ZNF613: variants seen among roughly 807,000 people sequenced by gnomAD.
The protein encoded by ZNF613 is zinc finger protein 613.
In ZNF613, 8 loss-of-function variants were observed where a neutral mutation model predicts 14.3. The ratio of observed to expected loss-of-function variants is 0.56; its 90% CI spans 0.33 to 1.01. The LOEUF (loss-of-function observed/expected upper bound fraction) is 1.01. Ranked by LOEUF, ZNF613 falls within the 50% of genes least tolerant of loss-of-function variation. The probability of loss-of-function intolerance (pLI) is 0.03; values close to 1 mark genes in which losing one functional copy is unlikely to be tolerated. For synonymous variants in ZNF613, 228 were observed against 254.5 expected (o/e 0.90, Z 0.99); for missense variants, 656 against 741.9 (o/e 0.88, Z 1.35).
chr19:51,935,847 A>G (rs747723681), intron 2 of ZNF613, among the ~76,000 whole-genome samples, 181 bp from the exon 3 acceptor site: 2 of 152,130 alleles, frequency 1.3e-5, no homozygotes, highest in Non-Finnish European at 2.9e-5. Flanking sequence ...TATTGGCCAT[A>G]CCTGTAGAAT....
In ZNF613 at chr19:51,936,229, G is replaced by C. The variant is rs1419298305; in HGVS notation, c.9G>C (p.Lys3Asn). The change falls in exon 3 of 6, where the codon AAG becomes AAC. Residue 3 changes from lysine to asparagine, a missense_variant. Physicochemically the swap from Lys to Asn is moderately conservative, Grantham distance 94. Transcript: ENST00000293471. MI[K>N]SQESLTLEDV... Reference sequence around the variant, plus strand: ...CCCAGTAACAAAAGAAAATGATCAAGTCCCAGGTGACTTTTTGTTTGTTTT... The same window carrying C: ...CCCAGTAACAAAAGAAAATGATCAACTCCCAGGTGACTTTTTGTTTGTTTT... The C allele has an allele frequency of 6.2e-7, 1 of 1,602,408 alleles. No homozygotes were observed. The highest frequency in any genetic ancestry group is 1.1e-5 in the South Asian group (1 of 88,644).
intron 2 of ZNF613, among the ~76,000 whole-genome samples, chr19:51,935,377 G>C (rs867839379): frequency 6.6e-6 from 1 of 152,334 alleles, no homozygotes. Flanking sequence ...ATGATGGTAT[G>C]CAGTCCAAAG....
At chr19:51,935,886 G>A (rs2085302052) in intron 2 of ZNF613, 142 bp from the exon 3 acceptor site, 2 of 277,602 alleles carry the variant, frequency 7.2e-6, no homozygotes, top group African/African-American at 2.2e-5. Context: ...AGGATTTGTT[G>A]TTGCCCCAGG....
chr19:51,939,832 A>T (rs576107192), intron 3 of ZNF613, among the ~76,000 whole-genome samples: 1 of 152,192 alleles, frequency 6.6e-6, no homozygotes, highest in East Asian at 1.9e-4. Flanking sequence ...TTCATTGAAG[A>T]TTCATGATGA....
Position 51,945,689 on chromosome 19 carries a change from T to C in ZNF613, c.1806T>C (p.Pro602=), listed in dbSNP as rs773762791. The part of the protein sequence containing the change: ...AESKVAIVSQ[P]VARSSVSADS... Reference sequence around the variant, plus strand: ...GCAAAGTAGCCATTGTGAGCCAGCCTGTTGCCAGAAGTTCAGTCTCAGCAG... The same window carrying C: ...GCAAAGTAGCCATTGTGAGCCAGCCCGTTGCCAGAAGTTCAGTCTCAGCAG... Residue 602 remains proline (P), a synonymous_variant, in exon 6 of 6, where the codon CCT becomes CCC. Transcript: ENST00000293471. The C allele has an allele frequency of 6.8e-5, 109 of 1,614,184 alleles. No individual in the cohort carries two copies. The highest frequency in any genetic ancestry group is 4.7e-4 in the South Asian group (43 of 91,078).
rs1368086044 is a variant in ZNF613 at position 51,945,611 on chromosome 19, G to C, written c.1728G>C (p.Met576Ile). Reference protein sequence around the residue: ...KDSVNMVTLQMPSVAAQTSLT... With the variant: ...KDSVNMVTLQIPSVAAQTSLT... Reference sequence around the variant, plus strand: ...CTGTTAACATGGTGACTCTGCAGATGCCTTCTGTGGCAGCTCAGACCTCAT... The same window carrying C: ...CTGTTAACATGGTGACTCTGCAGATCCCTTCTGTGGCAGCTCAGACCTCAT... Residue 576 changes from methionine (M) to isoleucine (I), a missense_variant, in exon 6 of 6, where the codon ATG becomes ATC. Physicochemically the swap from Met to Ile is conservative, Grantham distance 10. Transcript: ENST00000293471. 3.1e-6 allele frequency: 5 copies of C among 1,614,188 alleles called. No homozygotes were observed. The East Asian group carries it at 1.1e-4, about 36-fold the overall frequency.
intron 3 of ZNF613, 89 bp from the exon 4 acceptor site, chr19:51,940,120 T>C (rs1420857119): frequency 1.3e-6 from 2 of 1,529,768 alleles, no homozygotes; most frequent in East Asian, 2.4e-5. Context: ...GCAGACTATT[T>C]GGTAAAAATG....
Position 51,944,616 on chromosome 19 carries a change from T to C in ZNF613, c.733T>C (p.Ser245Pro). The C allele has an allele frequency of 6.2e-7, 1 of 1,614,132 alleles. No homozygotes were observed. The highest frequency in any genetic ancestry group is 8.5e-7 in the Non-Finnish European group (1 of 1,180,032). ...ATGTGGGAAAGCCTTCTCCAGAAAG[T>C]CCGGGCTCACTGAACACCAGAGAAA... ...SICGKAFSRK[S>P]GLTEHQRNHT... Residue 245 changes from serine (S) to proline (P), a missense_variant, in exon 6 of 6, where the codon TCC becomes CCC. Physicochemically the swap from Ser to Pro is moderately conservative, Grantham distance 74. Transcript: ENST00000293471.
rs772471604 is a variant in ZNF613, at chr19:51,944,770, G to C, written c.887G>C (p.Gly296Ala). The C allele has an allele frequency of 3.1e-6, 5 of 1,612,838 alleles. No homozygotes were observed. The highest frequency in any genetic ancestry group is 1.3e-5 in the African/African-American group (1 of 74,512). ...TATATATGCAGTGATTGTGGAAAAG[G>C]CTTCATCAAGAAGTCTCGGCTCATT... ...KSYICSDCGK[G>A]FIKKSRLINH... is the part of the protein sequence containing the mutation. The change falls in exon 6 of 6, where the codon GGC (glycine) becomes GCC (alanine). Residue 296 changes from glycine to alanine, a missense_variant. Coordinates refer to ENST00000293471, the MANE Select transcript of ZNF613 (RefSeq NM_001031721.4).
At chr19:51,939,808 A>G (rs1021874361) in intron 3 of ZNF613, among the ~76,000 whole-genome samples, 1 of 152,096 alleles carries the variant, frequency 6.6e-6, no homozygotes, top group Non-Finnish European at 1.5e-5. Context: ...TGATTCTGGT[A>G]GCGCACATGA....
At chr19:51,942,185 T>C (rs1488722932) in intron 5 of ZNF613, among the ~76,000 whole-genome samples, 3 of 152,228 alleles carry the variant, frequency 2.0e-5, no homozygotes, top group Admixed American at 1.3e-4. Flanking sequence ...AAGCACTACA[T>C]TTGAAGTAGT....
chr19:51,936,357 AT>A, intron 3 of ZNF613, 122 bp downstream of exon 3: 1 of 1,008,176 alleles, frequency 9.9e-7, no homozygotes, highest in Non-Finnish European at 1.4e-6. Flanking sequence ...GCATCAGTAA[AT>A]TTAGATTGTA....
chr19:51,939,558 G>A (rs933329540), intron 3 of ZNF613, among the ~76,000 whole-genome samples: 1 of 152,008 alleles, frequency 6.6e-6, no homozygotes, highest in Non-Finnish European at 1.5e-5. Context: ...TCAAACTCCT[G>A]ACCTCAGGTG....
intron 3 of ZNF613, among the ~76,000 whole-genome samples, chr19:51,937,725 CTTTTTTTTTTTT>C (rs557250619): frequency 9.5e-6 from 1 of 105,282 alleles, no homozygotes; most frequent in Non-Finnish European, 1.9e-5. Context: ...TGTCTTTTTT[CTTTTTTTTTTTT>C]TTTTTTTTTT....
In ZNF613 at chr19:51,944,785, C is replaced by T; in HGVS notation, c.902C>T (p.Ser301Phe). The change falls in exon 6 of 6, where the codon TCT becomes TTT. Residue 301 changes from serine (S) to phenylalanine (F), a missense_variant. Coordinates refer to ENST00000293471, the MANE Select transcript of ZNF613 (RefSeq NM_001031721.4). The stretch of plus-strand genomic sequence containing the variant: ...TGTGGAAAAGGCTTCATCAAGAAGT[C>T]TCGGCTCATTAATCATCAGAGAGTT... ...SDCGKGFIKK[S>F]RLINHQRVHT... 1 of 1,609,104 alleles carries T rather than the reference C, an allele frequency of 6.2e-7. No homozygotes were observed. The highest frequency in any genetic ancestry group is 8.5e-7 in the Non-Finnish European group (1 of 1,178,786).
chr19:51,942,689 T>G (rs2085359658), intron 5 of ZNF613: 1 of 150,978 alleles, frequency 6.6e-6, no homozygotes, highest in Non-Finnish European at 1.5e-5. Flanking sequence ...CAAGGACATT[T>G]TAATGACTTG....
chr19:51,932,707 A>C, intron 2 of ZNF613, among the ~76,000 whole-genome samples: 1 of 149,462 alleles, frequency 6.7e-6, no homozygotes, highest in African/African-American at 2.5e-5. Flanking sequence ...ACAGGGTCTC[A>C]CTCTATTGCC....
intron 2 of ZNF613, 150 bp from the exon 3 acceptor site, chr19:51,935,878 G>A (rs893960215): frequency 4.2e-5 from 11 of 264,636 alleles, no homozygotes; most frequent in Admixed American, 1.1e-4. Context: ...GTTGCTCCAG[G>A]ATTTGTTGTT....
intron 3 of ZNF613, among the ~76,000 whole-genome samples, chr19:51,937,591 T>C (rs1403645251): frequency 2.0e-5 from 3 of 152,184 alleles, no homozygotes; most frequent in Admixed American, 2.0e-4. Flanking sequence ...GAGTCCTTGG[T>C]CACAGGATAT....
Sources: gnomAD v4.1 joint callset for allele counts (sites outside exome capture counted in the v4.1 genomes callset) on GRCh38, gnomAD v4.1.1 for gene constraint, MANE v1.5 for transcripts, NCBI Gene and HGNC (gene_info 2026-07-23, HGNC 2026-07-21) for gene names.